ALDH1A3: variants seen among roughly 807,000 people sequenced by gnomAD.
ALDH1A3 encodes the protein retinaldehyde dehydrogenase 3.
In ALDH1A3, 28 loss-of-function variants were observed where a neutral mutation model predicts 57.5. The observed-to-expected ratio is 0.49, with a 90% CI of 0.36 to 0.67. ALDH1A3 has a LOEUF of 0.67. Ranked by LOEUF, ALDH1A3 falls within the 30% of genes least tolerant of loss-of-function variation. The pLI is 0.00. For missense variants in ALDH1A3, 507 were observed against 669.4 expected (o/e 0.76, Z 2.68); for synonymous variants, 281 against 264.8 (o/e 1.06, Z -0.59).
rs774681166 is a variant in ALDH1A3 at position 100,914,816 on chromosome 15, G to A, written c.*43G>A. On this transcript the variant is annotated 3_prime_UTR_variant, in exon 13 of 13. Transcript: ENST00000329841. ...TTCCTCAAACATCGGACGGCGGAAT[G>A]TGGCAGATGAAATGTGCTGGAGGAA... is the stretch of plus-strand genomic sequence containing the variant. The A allele has an allele frequency of 1.3e-6, 2 of 1,588,116 alleles. No individual in the cohort carries two copies. Among genetic ancestry groups the A allele is most frequent in the Non-Finnish European group, 1.7e-6 (2 of 1,157,902 alleles).
chr15:100,887,563 G>A lies in ALDH1A3; in HGVS notation c.205-9G>A. 6.4e-7 allele frequency: 1 copy of A among 1,574,606 alleles called. No homozygotes were observed. Among genetic ancestry groups the A allele is most frequent in the Non-Finnish European group, 8.6e-7 (1 of 1,157,992 alleles). ...ATGACAGTCTCTCTCTGTTGTTCTGGTCGCTCAGCCCGACGTGGACAAGGC... is the reference window on the plus strand; with the variant it reads ...ATGACAGTCTCTCTCTGTTGTTCTGATCGCTCAGCCCGACGTGGACAAGGC... On this transcript the variant is annotated splice_polypyrimidine_tract_variant and intron_variant, in intron 2 of 12. Coordinates refer to ENST00000329841, the MANE Select transcript of ALDH1A3 (RefSeq NM_000693.4). The surrounding 1 kb of genome is among the most constrained non-coding windows in gnomAD (Gnocchi z 4.6).
intron 1 of ALDH1A3, chr15:100,880,540 G>A: frequency 3.8e-6 from 1 of 261,046 alleles, no homozygotes; most frequent in East Asian, 6.9e-5. Flanking sequence ...CGCCTTCCGT[G>A]CTTAGTTTAT....
At chr15:100,896,132 T>C in intron 7 of ALDH1A3, 86 bp downstream of exon 7, 1 of 1,086,724 alleles carries the variant, frequency 9.2e-7, no homozygotes, top group Non-Finnish European at 1.4e-6. Context: ...GGCTTTAATA[T>C]GATTTGTTTT....
At chr15:100,903,234 T>C (rs2041788857) in intron 9 of ALDH1A3, among the ~76,000 whole-genome samples, 1 of 142,662 alleles carries the variant, frequency 7.0e-6, no homozygotes, top group Non-Finnish European at 1.5e-5. Context: ...CCCTCTAGAA[T>C]GTTTTCGTGT....
rs142115253 is a variant in ALDH1A3, at chr15:100,907,236, A to G, written c.1349A>G (p.Lys450Arg). The change falls in exon 11 of 13, where the codon AAA becomes AGA. Residue 450 changes from lysine (K) to arginine (R), a missense_variant. By Grantham distance (26) the Lys-to-Arg change is conservative (BLOSUM62 2). Around this residue, in one of 2 missense-constraint regions of ALDH1A3, gnomAD observed 432 missense variants for 608.4 expected, o/e 0.71. Transcript: ENST00000329841. The stretch of plus-strand genomic sequence containing the variant: ...GCCGTGTTCACAAAAAATCTCGACA[A>G]AGCCCTGAAGTTGGCTTCTGCCTTA... ...TAAVFTKNLD[K>R]ALKLASALES... is the part of the protein sequence containing the mutation. 1.8e-5 allele frequency: 29 copies of G among 1,614,176 alleles called. No homozygotes were observed. In the African/African-American group the frequency reaches 3.6e-4, roughly 20 times the overall value.
intron 12 of ALDH1A3, among the ~76,000 whole-genome samples, chr15:100,910,165 T>G (rs1311387576): frequency 1.3e-5 from 2 of 152,260 alleles, no homozygotes; most frequent in South Asian, 2.1e-4. Context: ...CATCCCTGAC[T>G]CTCAGCAAAT....
chr15:100,910,327 C>T (rs2141574614), intron 12 of ALDH1A3, among the ~76,000 whole-genome samples: 1 of 152,366 alleles, frequency 6.6e-6, no homozygotes, highest in East Asian at 1.9e-4. Flanking sequence ...GGCCTGTTTG[C>T]ATTTGAGTTC....
rs2041919892 is a variant in ALDH1A3 at position 100,915,200 on chromosome 15, G to T, written c.*427G>T. 1 of 166,588 alleles carries T rather than the reference G, an allele frequency of 6.0e-6. No homozygotes were observed. The allele number at this position is 166,588 out of a possible 1,614,324, so 10.3% of individuals were successfully genotyped here. A position where few individuals can be genotyped will look rare whatever the true frequency, so the allele number is the denominator to read the frequency against. On this transcript the variant is annotated 3_prime_UTR_variant, in exon 13 of 13. Coordinates refer to ENST00000329841, the MANE Select transcript of ALDH1A3 (RefSeq NM_000693.4). ...CTCTTGCACCAGCGGTCTCCTCAGG[G>T]TGGACCTGCTTACAGAGCAAGCCAC...
At chr15:100,880,227 C>T (rs1482733192) in intron 1 of ALDH1A3, 3 of 396,334 alleles carry the variant, frequency 7.6e-6, no homozygotes, top group African/African-American at 4.1e-5. Flanking sequence ...GCCTCGAAGC[C>T]GGGAAACCGA....
At chr15:100,899,913 C>G (rs1327988544) in intron 8 of ALDH1A3, among the ~76,000 whole-genome samples, 1 of 152,164 alleles carries the variant, frequency 6.6e-6, no homozygotes, top group Non-Finnish European at 1.5e-5. Context: ...AGCAATAGTG[C>G]GGGGGTTGGT....
intron 9 of ALDH1A3, among the ~76,000 whole-genome samples, chr15:100,902,872 T>C (rs540606801): frequency 6.6e-6 from 1 of 152,178 alleles, no homozygotes; most frequent in Non-Finnish European, 1.5e-5. Context: ...ACAAACAGGG[T>C]CTGCCAGATG....
chr15:100,893,133 G>A lies in ALDH1A3; in HGVS notation c.537+127G>A. 3.7e-6 allele frequency: 3 copies of A among 800,258 alleles called. No homozygotes were observed. Among genetic ancestry groups the A allele is most frequent in the Non-Finnish European group, 5.8e-6 (3 of 516,452 alleles). The allele number at this position is 800,258 out of a possible 1,614,324, so 49.6% of individuals were successfully genotyped here. ...AGCGTTGAACAAGCATTTTCTTCGT[G>A]GCATGGAACTCCATGCTTGGGGGCT... On this transcript the variant is annotated intron_variant, in intron 5 of 12. Coordinates refer to ENST00000329841, the MANE Select transcript of ALDH1A3 (RefSeq NM_000693.4). This position sits in a 1 kb window ranked among gnomAD's most constrained non-coding sequence, Gnocchi z 4.8.
intron 12 of ALDH1A3, chr15:100,914,053 G>T (rs982205745): frequency 1.3e-5 from 2 of 152,258 alleles, no homozygotes; most frequent in African/African-American, 4.8e-5. Flanking sequence ...TTTAAAGAAA[G>T]GAACTATACC....
chr15:100,896,087 GT>G, intron 7 of ALDH1A3, 41 bp downstream of exon 7: 1 of 1,484,324 alleles, frequency 6.7e-7, no homozygotes, highest in Non-Finnish European at 9.3e-7. Flanking sequence ...TGAAAGGGGC[GT>G]GTTATTTGAC....
intron 1 of ALDH1A3, among the ~76,000 whole-genome samples, chr15:100,882,747 A>G (rs2041557879): frequency 6.6e-6 from 1 of 152,240 alleles, no homozygotes; most frequent in Non-Finnish European, 1.5e-5. Context: ...CAAATCAAAG[A>G]CAACAATTCC....
chr15:100,913,251 TACCATA>T lies in ALDH1A3; in HGVS notation c.1467-1447_1467-1442del, dbSNP rs1596137355. The T allele has an allele frequency of 2.0e-5, 3 of 152,384 alleles. No individual in the cohort carries two copies. In the East Asian group the frequency reaches 5.8e-4, roughly 29 times the overall value. The allele number at this position is 152,384 out of a possible 1,614,324, so 9.4% of individuals were successfully genotyped here. On this transcript the variant is annotated intron_variant, in intron 12 of 12. Transcript: ENST00000329841. ...GTCTTTTATTGCTCCTGCAAGAAGT[TACCATA>T]ACATCAGTGGCTTAAATAACATAAA...
At position 100,893,117 on chromosome 15, in the gene ALDH1A3, C is replaced by A; in HGVS notation, c.537+111C>A. Reference sequence around the variant, plus strand: ...TTTATCTGATTGCACCAGCGTTGAACAAGCATTTTCTTCGTGGCATGGAAC... The same window carrying A: ...TTTATCTGATTGCACCAGCGTTGAAAAAGCATTTTCTTCGTGGCATGGAAC... On this transcript the variant is annotated intron_variant, in intron 5 of 12. Transcript: ENST00000329841. The surrounding 1 kb of genome is among the most constrained non-coding windows in gnomAD (Gnocchi z 4.8). 1.0e-6 allele frequency: 1 copy of A among 972,208 alleles called. No individual in the cohort carries two copies. The highest frequency in any genetic ancestry group is 1.5e-6 in the Non-Finnish European group (1 of 659,570). The allele number at this position is 972,208 out of a possible 1,614,324, so 60.2% of individuals were successfully genotyped here. A position where few individuals can be genotyped will look rare whatever the true frequency, so the allele number is the denominator to read the frequency against.
Position 100,914,836 on chromosome 15 carries a change from G to A in ALDH1A3, c.*63G>A. 5.9e-6 allele frequency: 9 copies of A among 1,523,596 alleles called. No homozygotes were observed. Among genetic ancestry groups the A allele is most frequent in the South Asian group, 1.1e-5 (1 of 87,458 alleles). The allele number at this position is 1,523,596 out of a possible 1,614,324, so 94.4% of individuals were successfully genotyped here. On this transcript the variant is annotated 3_prime_UTR_variant, in exon 13 of 13. Transcript: ENST00000329841. Reference sequence around the variant, plus strand: ...GGAATGTGGCAGATGAAATGTGCTGGAGGAAAAAAATGACATTTCTGACCT... The same window carrying A: ...GGAATGTGGCAGATGAAATGTGCTGAAGGAAAAAAATGACATTTCTGACCT...
In ALDH1A3 at chr15:100,898,024, C is replaced by T. The variant is rs755677387; in HGVS notation, c.781-59C>T. 579 of 1,525,742 alleles carry T rather than the reference C, an allele frequency of 3.8e-4. No homozygotes were observed. The Middle Eastern group carries it at 4.8e-3, about 13-fold the overall frequency. The allele number at this position is 1,525,742 out of a possible 1,614,324, so 94.5% of individuals were successfully genotyped here. Reference sequence around the variant, plus strand: ...TGATCAGAATGTTCACTGATGTTTACGCCTGGGCCAAGTTCAGCAACATCC... The same window carrying T: ...TGATCAGAATGTTCACTGATGTTTATGCCTGGGCCAAGTTCAGCAACATCC... On this transcript the variant is annotated intron_variant, in intron 7 of 12. Coordinates refer to ENST00000329841, the MANE Select transcript of ALDH1A3 (RefSeq NM_000693.4).
Sources: allele counts gnomAD v4.1 joint callset (sites outside exome capture counted in the v4.1 genomes callset), GRCh38; gene constraint gnomAD v4.1.1; regional missense constraint gnomAD v4.1.1; non-coding constraint Gnocchi (gnomAD v3.1); transcripts MANE v1.5; gene names NCBI Gene and HGNC (gene_info 2026-07-23, HGNC 2026-07-21).